Variants in SEMA3D observed in about 807,000 individuals in gnomAD.
SEMA3D encodes semaphorin-3D.
Under a neutral mutation model 100.1 loss-of-function variants are expected in SEMA3D, and 84 were observed. That is an observed-to-expected ratio of 0.84 (90% CI 0.70 to 1.01). SEMA3D has a LOEUF of 1.01. SEMA3D is among the 50% of genes least tolerant of loss of function. The probability of loss-of-function intolerance (pLI) is 0.00; values close to 1 mark genes in which losing one functional copy is unlikely to be tolerated. For missense variants in SEMA3D, 875 were observed against 934.1 expected (o/e 0.94, Z 0.82); for synonymous variants, 312 against 320.7 (o/e 0.97, Z 0.29).
the SEMA3D span, among the ~76,000 whole-genome samples, chr7:85,204,407 T>C: frequency 1.3e-5 from 2 of 151,778 alleles, no homozygotes; most frequent in Admixed American, 6.6e-5. Flanking sequence ...ATGTCATTTA[T>C]TGATTTAGAT....
rs990015715 is a variant in SEMA3D, at chr7:85,165,148, T to C, written c.-172-11409A>G. On this transcript the variant is annotated intron_variant, in intron 1 of 18. Coordinates refer to ENST00000284136, the MANE Select transcript of SEMA3D (RefSeq NM_001384900.1). ...AGTTAATGGGTGCAGCACACCAACA[T>C]GGCACATGTATACATGTGTAACGAA... 2.8e-4 allele frequency among the ~76,000 whole-genome samples: 43 copies of C among 151,894 alleles called. 1 individual carries two copies. Among genetic ancestry groups the C allele is most frequent in the Admixed American group, 2.8e-3 (42 of 15,216 alleles).
At chr7:85,242,682 A>C in the SEMA3D span, among the ~76,000 whole-genome samples, 1 of 152,148 alleles carries the variant, frequency 6.6e-6, no homozygotes, top group African/African-American at 2.4e-5. Context: ...CCTTATGGCT[A>C]TACCAGTTTT....
At chr7:85,115,878 T>C (rs147931224) in intron 3 of SEMA3D, among the ~76,000 whole-genome samples, 2 of 152,266 alleles carry the variant, frequency 1.3e-5, no homozygotes, top group African/African-American at 4.8e-5. Context: ...GCATGTTTAA[T>C]AGTATAAGAA....
rs201613949 is a variant in SEMA3D at position 85,104,778 on chromosome 7, TA to T, written c.152-6814del. On this transcript the variant is annotated intron_variant, in intron 3 of 18. Transcript: ENST00000284136. Reference sequence around the variant, plus strand: ...TCTCTCACGAGAAGACTACATAGATTAAAAAAAAAAGAAAAGAAAAGAAAAG... The same window carrying T: ...TCTCTCACGAGAAGACTACATAGATTAAAAAAAAAGAAAAGAAAAGAAAAG... 5.2e-4 allele frequency among the ~76,000 whole-genome samples: 75 copies of T among 144,344 alleles called. No individual in the cohort carries two copies. In the East Asian group the frequency reaches 0.011, roughly 21 times the overall value. The allele number at this position is 144,344 out of a possible 152,430, so 94.7% of individuals were successfully genotyped here. A position where few individuals can be genotyped will look rare whatever the true frequency, so the allele number is the denominator to read the frequency against.
intron 2 of SEMA3D, among the ~76,000 whole-genome samples, chr7:85,137,247 C>T (rs1404951470): frequency 6.6e-6 from 1 of 151,166 alleles, no homozygotes; most frequent in Non-Finnish European, 1.5e-5. Flanking sequence ...ATATGATATA[C>T]ATAAAAGGCA....
At chr7:85,241,562 G>A in the SEMA3D span, among the ~76,000 whole-genome samples, 1 of 148,904 alleles carries the variant, frequency 6.7e-6, no homozygotes, top group African/African-American at 2.5e-5. Context: ...TTGGAGGCTT[G>A]TTTTAAGTGA....
At position 85,168,858 on chromosome 7, in the gene SEMA3D, AAAG is replaced by A. The variant is rs1562843149; in HGVS notation, c.-172-15122_-172-15120del. On this transcript the variant is annotated intron_variant, in intron 1 of 18. Transcript: ENST00000284136. ...GAAAGAAAGAAAGAAAGAAAGAAAG[AAAG>A]AAAGAAAGAAAGAAAGAAAAGAAAG... Among the ~76,000 whole-genome samples, 81 of 137,064 alleles carry A rather than the reference AAAG, an allele frequency of 5.9e-4. 1 individual carries two copies. Among genetic ancestry groups the A allele is most frequent in the African/African-American group, 2.3e-3 (80 of 35,272 alleles). 89.9% of individuals were successfully genotyped at this position (137,064 alleles called of 152,430 possible).
the SEMA3D span, among the ~76,000 whole-genome samples, chr7:85,203,382 A>G: frequency 1.3e-5 from 2 of 152,212 alleles, no homozygotes; most frequent in Non-Finnish European, 2.9e-5. Context: ...TTTGAATACA[A>G]AAATAATATT....
At position 85,023,701 on chromosome 7, in the gene SEMA3D, C is replaced by G. The variant is rs188640607; in HGVS notation, c.1192-1088G>C. 6.8e-3 allele frequency among the ~76,000 whole-genome samples: 1,032 copies of G among 151,848 alleles called. 8 individuals are homozygous for G. The highest frequency in any genetic ancestry group is 9.3e-3 in the Non-Finnish European group (631 of 67,858). ...GGCTCCAAAAACATAATGTACTTCT[C>G]AAAATATTCAAGAGGGTCATTCTTA... is the stretch of plus-strand genomic sequence containing the variant. On this transcript the variant is annotated intron_variant, in intron 12 of 18. Transcript: ENST00000284136.
intron 4 of SEMA3D, among the ~76,000 whole-genome samples, chr7:85,096,544 T>C (rs1788560208): frequency 6.6e-6 from 1 of 151,876 alleles, no homozygotes; most frequent in Non-Finnish European, 1.5e-5. Flanking sequence ...ATGAAATGTA[T>C]GTGTATACAT....
the SEMA3D span, among the ~76,000 whole-genome samples, chr7:85,216,714 G>A: frequency 6.6e-6 from 1 of 151,828 alleles, no homozygotes. Flanking sequence ...AGAAAAAAAT[G>A]GAGTAGTGTT....
chr7:85,041,421 A>C (rs1790861182), intron 10 of SEMA3D: 1 of 152,082 alleles, frequency 6.6e-6, no homozygotes, highest in African/African-American at 2.4e-5. Flanking sequence ...CCGTATTGAC[A>C]GTAAGTTATG....
rs1013676442 is a variant in SEMA3D at position 85,077,084 on chromosome 7, C to T, written c.376-4003G>A. ...TTGCGCCACTGCACTCCAGCCTGGG[C>T]AACAGAGTGAGACTCCGTCTAAAAA... On this transcript the variant is annotated intron_variant, in intron 5 of 18. Coordinates refer to ENST00000284136, the MANE Select transcript of SEMA3D (RefSeq NM_001384900.1). Among the ~76,000 whole-genome samples the T allele has an allele frequency of 7.6e-5, 10 of 131,432 alleles. No individual in the cohort carries two copies. The Admixed American group carries it at 8.6e-4, about 11-fold the overall frequency. 86.2% of individuals were successfully genotyped at this position (131,432 alleles called of 152,430 possible).
chr7:85,052,433 T>C (rs982779809), intron 9 of SEMA3D, among the ~76,000 whole-genome samples: 65 of 151,998 alleles, frequency 4.3e-4, no homozygotes, highest in African/African-American at 1.5e-3. Flanking sequence ...CAACAAGATT[T>C]CACTGTTCTA....
Position 85,142,178 on chromosome 7 carries a change from C to G in SEMA3D, c.-41+11430G>C, listed in dbSNP as rs369575019. Reference sequence around the variant, plus strand: ...GAAAAGGACAATTCGCTCAGTGTCTCTTACCAATTTCTAAATTACTCAATT... The same window carrying G: ...GAAAAGGACAATTCGCTCAGTGTCTGTTACCAATTTCTAAATTACTCAATT... On this transcript the variant is annotated intron_variant, in intron 2 of 18. Coordinates refer to ENST00000284136, the MANE Select transcript of SEMA3D (RefSeq NM_001384900.1). The G allele has an allele frequency of 6.6e-5, 65 of 984,614 alleles. 2 individuals carry two copies. In the East Asian group the frequency reaches 4.0e-3, roughly 60 times the overall value. The allele number at this position is 984,614 out of a possible 1,614,324, so 61.0% of individuals were successfully genotyped here. A position where few individuals can be genotyped will look rare whatever the true frequency, so the allele number is the denominator to read the frequency against.
chr7:85,174,784 G>A (rs1204130389), intron 1 of SEMA3D, among the ~76,000 whole-genome samples: 1 of 152,090 alleles, frequency 6.6e-6, no homozygotes, highest in African/African-American at 2.4e-5. Context: ...GGGAGAGTTG[G>A]TGGCAATAAA....
chr7:85,104,850 C>G (rs552128778), intron 3 of SEMA3D, among the ~76,000 whole-genome samples: 1 of 151,510 alleles, frequency 6.6e-6, no homozygotes, highest in Non-Finnish European at 1.5e-5. Flanking sequence ...TTATGAAAGA[C>G]AGAAATTCAT....
chr7:85,218,763 T>C, the SEMA3D span, among the ~76,000 whole-genome samples: 1 of 152,166 alleles, frequency 6.6e-6, no homozygotes, highest in Non-Finnish European at 1.5e-5. Flanking sequence ...ACCAATGTCT[T>C]AGAATTTTAT....
At chr7:85,076,742 G>A (rs564084947) in intron 5 of SEMA3D, among the ~76,000 whole-genome samples, 14 of 152,192 alleles carry the variant, frequency 9.2e-5, no homozygotes, top group East Asian at 7.7e-4. Flanking sequence ...CTACATGTTA[G>A]GCTTGTCTAG....
Sources: allele counts gnomAD v4.1 joint callset (sites outside exome capture counted in the v4.1 genomes callset), GRCh38; gene constraint gnomAD v4.1.1; transcripts MANE v1.5; gene names NCBI Gene and HGNC (gene_info 2026-07-23, HGNC 2026-07-21).